The following KCNIP1 variants were observed in gnomAD, a reference collection of about 807,000 sequenced individuals.
KCNIP1 encodes potassium voltage-gated channel interacting protein 1, also known as A-type potassium channel modulatory protein KCNIP1.
KCNIP1 carries 18 observed loss-of-function variants against 33.0 expected under a neutral mutation model. The ratio of observed to expected loss-of-function variants is 0.55; its 90% CI spans 0.38 to 0.81. KCNIP1 has a LOEUF of 0.81. Ranked by LOEUF, KCNIP1 falls within the 30% of genes least tolerant of loss-of-function variation. The pLI is 0.00. For synonymous variants in KCNIP1, 93 were observed against 98.3 expected (o/e 0.95, Z 0.32); for missense variants, 238 against 271.6 (o/e 0.88, Z 0.87).
intron 1 of KCNIP1, among the ~76,000 whole-genome samples, chr5:170,602,641 A>T (rs1758740397): frequency 6.6e-6 from 1 of 152,216 alleles, no homozygotes; most frequent in South Asian, 2.1e-4. Flanking sequence ...CTGACAAGAC[A>T]GTGCTGTGGC....
chr5:170,663,444 C>A (rs1761575172), intron 1 of KCNIP1, among the ~76,000 whole-genome samples: 1 of 152,128 alleles, frequency 6.6e-6, no homozygotes, highest in Admixed American at 6.5e-5. Flanking sequence ...CCAGCAGCTG[C>A]ACCAGGCCAG....
chr5:170,399,372 A>G (rs1236274074), intron 1 of KCNIP1, among the ~76,000 whole-genome samples: 5 of 152,212 alleles, frequency 3.3e-5, no homozygotes, highest in African/African-American at 1.2e-4. Context: ...GCTCACTTCA[A>G]TATGGAGTCA....
At chr5:170,390,326 C>A (rs10066171) in intron 1 of KCNIP1, among the ~76,000 whole-genome samples, 1 of 150,592 alleles carries the variant, frequency 6.6e-6, no homozygotes, top group Non-Finnish European at 1.5e-5. Flanking sequence ...GGCAACATGG[C>A]GAAACCCCAT....
intron 1 of KCNIP1, among the ~76,000 whole-genome samples, chr5:170,551,761 G>C (rs1423053368): frequency 6.6e-6 from 1 of 151,882 alleles, no homozygotes; most frequent in Non-Finnish European, 1.5e-5. Context: ...GTGTGTGTAT[G>C]TGTAGGTGTA....
intron 1 of KCNIP1, among the ~76,000 whole-genome samples, chr5:170,385,059 CATCATGTGTCTGTTACCACCACGTCCTAG>C (rs1208741406): frequency 6.6e-6 from 1 of 152,168 alleles, no homozygotes; most frequent in Non-Finnish European, 1.5e-5. Context: ...CTGAGAAGGG[CATCATGTGTCTGTTACCACCACGTCCTAG>C]ATCATGTGTC....
At chr5:170,365,650 C>T (rs750390506) in intron 1 of KCNIP1, among the ~76,000 whole-genome samples, 12 of 152,222 alleles carry the variant, frequency 7.9e-5, no homozygotes, top group African/African-American at 7.2e-5. Flanking sequence ...ACGCAGCTGG[C>T]TTCCATGGCT....
chr5:170,365,283 C>T (rs926185114), intron 1 of KCNIP1, among the ~76,000 whole-genome samples: 5 of 152,160 alleles, frequency 3.3e-5, no homozygotes, highest in South Asian at 2.1e-4. Flanking sequence ...CCTACAGGCT[C>T]GGCACTGCAT....
At chr5:170,513,938 T>C (rs1244219763) in intron 1 of KCNIP1, among the ~76,000 whole-genome samples, 1 of 152,136 alleles carries the variant, frequency 6.6e-6, no homozygotes. Context: ...CCTGTAATGG[T>C]TTCATTATTA....
intron 1 of KCNIP1, among the ~76,000 whole-genome samples, chr5:170,603,460 C>G (rs2113593779): frequency 6.6e-6 from 1 of 152,322 alleles, no homozygotes; most frequent in East Asian, 1.9e-4. Context: ...AGGCCCTGTG[C>G]TGGGAGCCAG....
chr5:170,578,620 G>A (rs1212370422), intron 1 of KCNIP1, among the ~76,000 whole-genome samples: 5 of 152,188 alleles, frequency 3.3e-5, no homozygotes, highest in Non-Finnish European at 5.9e-5. Flanking sequence ...GAAAAGTGGT[G>A]CAGGCTACAT....
intron 1 of KCNIP1, among the ~76,000 whole-genome samples, chr5:170,484,919 CT>C (rs1221456904): frequency 6.8e-6 from 1 of 146,234 alleles, no homozygotes. Flanking sequence ...CTGGGTCTTT[CT>C]TTTTTTTGTT....
At chr5:170,691,480 T>G (rs568446805) in intron 1 of KCNIP1, among the ~76,000 whole-genome samples, 1 of 152,320 alleles carries the variant, frequency 6.6e-6, no homozygotes, top group South Asian at 2.1e-4. Flanking sequence ...TACTTAACTT[T>G]CCTGAGAGTT....
intron 1 of KCNIP1, among the ~76,000 whole-genome samples, chr5:170,420,812 T>TC (rs1020656355): frequency 3.7e-4 from 56 of 151,758 alleles, no homozygotes; most frequent in Middle Eastern, 3.4e-3. Context: ...CTTCTTCTTC[T>TC]CCCCCCCAAC....
chr5:170,508,956 C>A (rs1024056325), intron 1 of KCNIP1, among the ~76,000 whole-genome samples: 6 of 152,092 alleles, frequency 3.9e-5, no homozygotes, highest in Non-Finnish European at 1.5e-5. Flanking sequence ...GGTAGGAGCT[C>A]GTCTAACTCA....
chr5:170,630,236 A>G (rs1760004564), intron 1 of KCNIP1, among the ~76,000 whole-genome samples: 1 of 152,248 alleles, frequency 6.6e-6, no homozygotes, highest in African/African-American at 2.4e-5. Context: ...ATAAAACTCA[A>G]TCAATATTTA....
At chr5:170,627,269 G>A (rs551064598) in intron 1 of KCNIP1, among the ~76,000 whole-genome samples, 2 of 152,276 alleles carry the variant, frequency 1.3e-5, no homozygotes, top group South Asian at 2.1e-4. Flanking sequence ...CAAACAACAT[G>A]AGGAAAAATA....
exon 1 of KCNIP1, chr5:170,353,832 T>G (rs1368666983): frequency 6.3e-7 from 1 of 1,582,668 alleles, no homozygotes; most frequent in Non-Finnish European, 8.7e-7. Flanking sequence ...GTGGGCACTG[T>G]CCCTTCTGGG....
intron 1 of KCNIP1, among the ~76,000 whole-genome samples, chr5:170,369,763 G>A (rs7726856): frequency 0.22 from 33,168 of 152,236 alleles, 3,682 homozygotes; most frequent in South Asian, 0.29. Flanking sequence ...AGATATAGGC[G>A]TCTTGCAGTT....
intron 7 of KCNIP1, among the ~76,000 whole-genome samples, chr5:170,735,093 C>T (rs932575466): frequency 6.6e-6 from 1 of 152,200 alleles, no homozygotes; most frequent in Non-Finnish European, 1.5e-5. Flanking sequence ...TGACATTAAC[C>T]TTTTCATTTC....
Sources: gnomAD v4.1 joint callset for allele counts (sites outside exome capture counted in the v4.1 genomes callset) on GRCh38, gnomAD v4.1.1 for gene constraint, MANE v1.5 for transcripts, NCBI Gene and HGNC (gene_info 2026-07-23, HGNC 2026-07-21) for gene names.